Variants in ZNF540 observed in about 807,000 individuals in gnomAD.
ZNF540 encodes zinc finger protein 540.
In ZNF540, 3 loss-of-function variants were observed where a neutral mutation model predicts 11.8. The ratio of observed to expected loss-of-function variants is 0.25; its 90% CI spans 0.12 to 0.65. The LOEUF (loss-of-function observed/expected upper bound fraction) is 0.65, where lower values mean the gene tolerates loss of function less well. Ranked by LOEUF, ZNF540 falls within the 30% of genes least tolerant of loss-of-function variation. The pLI is 0.83. For synonymous variants in ZNF540, 247 were observed against 259.0 expected (o/e 0.95, Z 0.45); for missense variants, 709 against 793.1 (o/e 0.89, Z 1.27).
At chr19:37,557,908 C>G (rs544566324) in intron 1 of ZNF540, among the ~76,000 whole-genome samples, 3 of 150,762 alleles carry the variant, frequency 2.0e-5, no homozygotes, top group Non-Finnish European at 2.9e-5. Flanking sequence ...GGCTCGCAGA[C>G]AACTTGGCCA....
At chr19:37,558,955 C>T (rs990082925) in intron 1 of ZNF540, among the ~76,000 whole-genome samples, 1 of 152,126 alleles carries the variant, frequency 6.6e-6, no homozygotes, top group Non-Finnish European at 1.5e-5. Flanking sequence ...AGGTGATCCT[C>T]CCACCTGTCT....
intron 1 of ZNF540, among the ~76,000 whole-genome samples, chr19:37,574,685 G>C (rs10424612): frequency 0.78 from 117,895 of 152,058 alleles, 45,819 homozygotes; most frequent in South Asian, 0.87. Flanking sequence ...ACCAGTTTTA[G>C]TAGATATGAC....
Position 37,565,470 on chromosome 19 carries a change from A to G in ZNF540, c.-73+13805A>G, listed in dbSNP as rs1165059301. On this transcript the variant is annotated intron_variant, in intron 1 of 4. Transcript: ENST00000592533. Reference sequence around the variant, plus strand: ...ACTCTCTGATGGTATGTAAGGTGTGAACCAAGAATAAAGGCCTTTCCACAT... The same window carrying G: ...ACTCTCTGATGGTATGTAAGGTGTGGACCAAGAATAAAGGCCTTTCCACAT... The G allele has an allele frequency of 6.8e-6, 11 of 1,611,178 alleles. No homozygotes were observed. The highest frequency in any genetic ancestry group is 9.3e-6 in the Non-Finnish European group (11 of 1,179,026).
chr19:37,584,158 A>C lies in ZNF540; in HGVS notation c.-72-14218A>C, dbSNP rs1424285497. 5 of 1,607,778 alleles carry C rather than the reference A, an allele frequency of 3.1e-6. No homozygotes were observed. In the African/African-American group the frequency reaches 4.0e-5, roughly 13 times the overall value. ...GGAATGATTCTGAAGTGAAATGAGAAGAAAATGGAGGAGGTAATTGAAGGA... is the reference window on the plus strand; with the variant it reads ...GGAATGATTCTGAAGTGAAATGAGACGAAAATGGAGGAGGTAATTGAAGGA... On this transcript the variant is annotated intron_variant, in intron 1 of 4. Coordinates refer to the ZNF540 transcript ENST00000592533.
At chr19:37,595,925 AG>A (rs2043988844) in intron 1 of ZNF540, among the ~76,000 whole-genome samples, 1 of 152,192 alleles carries the variant, frequency 6.6e-6, no homozygotes, top group Admixed American at 6.5e-5. Flanking sequence ...CAAGATTTGA[AG>A]GGGGTAAAAA....
intron 1 of ZNF540, chr19:37,566,208 C>T (rs2042853157): frequency 1.9e-6 from 3 of 1,613,956 alleles, no homozygotes; most frequent in East Asian, 4.5e-5. Context: ...ATACGTTTCC[C>T]CATATTCTCC....
chr19:37,569,495 A>C lies in ZNF540; in HGVS notation c.-73+17830A>C, dbSNP rs190647819. Among the ~76,000 whole-genome samples the C allele has an allele frequency of 3.9e-3, 592 of 152,292 alleles. 1 individual carries two copies. Among genetic ancestry groups the C allele is most frequent in the Non-Finnish European group, 6.5e-3 (444 of 68,024 alleles). On this transcript the variant is annotated intron_variant, in intron 1 of 4. Transcript: ENST00000592533. The surrounding 1 kb of genome is among the most constrained non-coding windows in gnomAD (Gnocchi z 4.4). ...AAATACATATTATGACTGAGTACAC[A>C]CACTCAAACATAAAACAAGGATGTC...
At chr19:37,565,131 G>A (rs2042804294) in intron 1 of ZNF540, 2 of 1,612,792 alleles carry the variant, frequency 1.2e-6, no homozygotes, top group Admixed American at 1.7e-5. Context: ...TCACTAAGTT[G>A]TTTGCCACAA....
intron 1 of ZNF540, chr19:37,560,322 A>G (rs181034523): frequency 6.6e-6 from 1 of 151,946 alleles, no homozygotes; most frequent in Admixed American, 6.6e-5. Flanking sequence ...ATTTTACACT[A>G]TTTCCTTGGT....
chr19:37,583,772 G>T (rs1269131835), intron 1 of ZNF540: 5 of 490,480 alleles, frequency 1.0e-5, no homozygotes, highest in Non-Finnish European at 1.8e-5. Flanking sequence ...CATCAAAGAA[G>T]GGAGACACTG....
intron 1 of ZNF540, chr19:37,566,282 G>T: frequency 6.2e-7 from 1 of 1,608,418 alleles, no homozygotes; most frequent in Non-Finnish European, 8.5e-7. Flanking sequence ...CACACAACTG[G>T]ATTCCAAGTC....
intron 1 of ZNF540, chr19:37,575,443 A>T (rs1394208451): frequency 1.3e-5 from 2 of 152,244 alleles, no homozygotes. Context: ...ATAGGACATG[A>T]AATTATTGAT....
intron 1 of ZNF540, among the ~76,000 whole-genome samples, chr19:37,579,461 C>T (rs2043368214): frequency 6.6e-6 from 1 of 152,166 alleles, no homozygotes; most frequent in South Asian, 2.1e-4. Flanking sequence ...ACTGTGACAT[C>T]GGAAAACAGG....
chr19:37,579,359 CT>C (rs779833786), intron 1 of ZNF540, among the ~76,000 whole-genome samples: 5 of 152,238 alleles, frequency 3.3e-5, no homozygotes, highest in Non-Finnish European at 7.3e-5. Flanking sequence ...CCCCCAGGGC[CT>C]GAGGTCAGAC....
At position 37,580,470 on chromosome 19, in the gene ZNF540, A is replaced by G. The variant is rs1347739199; in HGVS notation, c.-72-17906A>G. 6.6e-5 allele frequency among the ~76,000 whole-genome samples: 10 copies of G among 152,240 alleles called. 1 individual carries two copies. The highest frequency in any genetic ancestry group is 6.5e-4 in the Admixed American group (10 of 15,292). The stretch of plus-strand genomic sequence containing the variant: ...TTGATTTATCAGGCATGCCATGACA[A>G]TAACTACACTGATGGATATACAACA... On this transcript the variant is annotated intron_variant, in intron 1 of 4. Coordinates refer to the ZNF540 transcript ENST00000592533.
intron 1 of ZNF540, chr19:37,563,470 T>C (rs2147144430): frequency 6.6e-6 from 1 of 152,280 alleles, no homozygotes; most frequent in East Asian, 1.9e-4. Context: ...GTAAATTTTG[T>C]TTATATTTCC....
intron 1 of ZNF540, chr19:37,564,711 G>A: frequency 1.9e-6 from 3 of 1,613,616 alleles, no homozygotes; most frequent in Non-Finnish European, 2.5e-6. Context: ...TGCAGAGTAA[G>A]TTCTGAGCCA....
Position 37,584,935 on chromosome 19 carries a change from G to A in ZNF540, c.-72-13441G>A, listed in dbSNP as rs373044878. The A allele has an allele frequency of 1.2e-4, 18 of 145,292 alleles. No homozygotes were observed. The East Asian group carries it at 2.6e-3, about 21-fold the overall frequency. 9.0% of individuals were successfully genotyped at this position (145,292 alleles called of 1,614,324 possible). On this transcript the variant is annotated intron_variant, in intron 1 of 4. Coordinates refer to the ZNF540 transcript ENST00000592533. The stretch of plus-strand genomic sequence containing the variant: ...GCCGAGATTGCGCCACTGCACTCCC[G>A]CCTGGGCCACAGAGCGAGACTCCGT...
At chr19:37,564,551 T>C in intron 1 of ZNF540, 2 of 1,445,674 alleles carry the variant, frequency 1.4e-6, no homozygotes, top group Non-Finnish European at 1.8e-6. Context: ...ATTATAGATA[T>C]GAAATAGATG....
Sources: gnomAD v4.1 joint callset for allele counts (sites outside exome capture counted in the v4.1 genomes callset) on GRCh38, gnomAD v4.1.1 for gene constraint, Gnocchi (gnomAD v3.1) non-coding constraint, MANE v1.5 for transcripts, NCBI Gene and HGNC (gene_info 2026-07-23, HGNC 2026-07-21) for gene names.